CHD6: variants seen among roughly 807,000 people sequenced by gnomAD.
The protein encoded by CHD6 is chromodomain helicase DNA binding protein 6.
CHD6 carries 50 observed loss-of-function variants against 276.9 expected under a neutral mutation model. That is an observed-to-expected ratio of 0.18 (90% CI 0.14 to 0.23). The LOEUF (loss-of-function observed/expected upper bound fraction) is 0.23, where lower values mean the gene tolerates loss of function less well. Ranked by LOEUF, CHD6 falls within the 10% of genes least tolerant of loss-of-function variation. The probability of loss-of-function intolerance (pLI) is 1.00; values close to 1 mark genes in which losing one functional copy is unlikely to be tolerated. For missense variants in CHD6, 2,564 were observed against 3,365.8 expected (o/e 0.76, Z 5.89); for synonymous variants, 1,173 against 1,229.3 (o/e 0.95, Z 0.96).
chr20:41,597,326 G>T (rs1288587215), intron 1 of CHD6, among the ~76,000 whole-genome samples: 1 of 152,054 alleles, frequency 6.6e-6, no homozygotes, highest in East Asian at 1.9e-4. Flanking sequence ...ATGTTTTATG[G>T]GTTGCCTTAT....
At chr20:41,495,180 T>C (rs769661480) in intron 8 of CHD6, among the ~76,000 whole-genome samples, 2 of 152,170 alleles carry the variant, frequency 1.3e-5, no homozygotes, top group African/African-American at 2.4e-5. Context: ...TTATTCACAA[T>C]AGTCAAGATT....
At chr20:41,539,574 G>T (rs749350032) in intron 2 of CHD6, among the ~76,000 whole-genome samples, 1 of 152,166 alleles carries the variant, frequency 6.6e-6, no homozygotes, top group Admixed American at 6.5e-5. Context: ...GCCCCATGAG[G>T]GCAGTGCTAG....
intron 26 of CHD6, among the ~76,000 whole-genome samples, chr20:41,438,933 T>C (rs2047807068): frequency 6.6e-6 from 1 of 152,200 alleles, no homozygotes; most frequent in Non-Finnish European, 1.5e-5. Context: ...CTGCACACTT[T>C]TCTTGGCCTG....
rs140747954 is a variant in CHD6, at chr20:41,449,104, T to C, written c.3684-1133A>G. 7.6e-3 allele frequency among the ~76,000 whole-genome samples: 1,164 copies of C among 152,300 alleles called. 20 individuals are homozygous for C. Among genetic ancestry groups the C allele is most frequent in the African/African-American group, 0.026 (1,100 of 41,552 alleles). On this transcript the variant is annotated intron_variant, in intron 23 of 36. Transcript: ENST00000373233. ...TTTTAGTAGAGATGGGGTTTCACCA[T>C]GTTGGCCAGGCTGGTCTTGAACTCC... is the stretch of plus-strand genomic sequence containing the variant.
At chr20:41,554,985 A>G (rs1256117577) in intron 1 of CHD6, among the ~76,000 whole-genome samples, 1 of 149,438 alleles carries the variant, frequency 6.7e-6, no homozygotes, top group African/African-American at 2.5e-5. Flanking sequence ...CACCTCCCGG[A>G]CGGGGCGGCT....
At chr20:41,469,690 C>T (rs1437548034) in intron 17 of CHD6, among the ~76,000 whole-genome samples, 1 of 152,160 alleles carries the variant, frequency 6.6e-6, no homozygotes, top group Admixed American at 6.5e-5. Flanking sequence ...AAACTGATAA[C>T]CTTCAATTTT....
At chr20:41,546,021 C>T (rs2045033382) in intron 2 of CHD6, among the ~76,000 whole-genome samples, 1 of 152,272 alleles carries the variant, frequency 6.6e-6, no homozygotes, top group African/African-American at 2.4e-5. Flanking sequence ...CATATTTCAT[C>T]CCCTGGTTAC....
intron 2 of CHD6, among the ~76,000 whole-genome samples, chr20:41,546,822 A>T (rs1211605039): frequency 6.6e-6 from 1 of 152,224 alleles, no homozygotes; most frequent in Non-Finnish European, 1.5e-5. Flanking sequence ...CTCCTGAGTG[A>T]TTCACTTTTA....
intron 1 of CHD6, among the ~76,000 whole-genome samples, chr20:41,616,659 T>C (rs969336242): frequency 6.6e-6 from 1 of 152,228 alleles, no homozygotes. Context: ...CACTCCGCAT[T>C]TTCCCAAGGC....
At position 41,451,845 on chromosome 20, in the gene CHD6, C is replaced by A; in HGVS notation, c.3504G>T (p.Gln1168His). The A allele has an allele frequency of 6.2e-7, 1 of 1,614,164 alleles. No homozygotes were observed. Among genetic ancestry groups the A allele is most frequent in the Non-Finnish European group, 8.5e-7 (1 of 1,180,016 alleles). The change falls in exon 22 of 37, where the codon CAG becomes CAT. Residue 1168 changes from glutamine (Q) to histidine (H), a missense_variant. By Grantham distance (24) the Gln-to-His change is conservative. Coordinates refer to ENST00000373233, the MANE Select transcript of CHD6 (RefSeq NM_032221.5). ...TCTCACCTGAGTGGTTCTGGAGGGTCTGGGCTTGCCCATCTTTGGTAGGTG... is the reference window on the plus strand; with the variant it reads ...TCTCACCTGAGTGGTTCTGGAGGGTATGGGCTTGCCCATCTTTGGTAGGTG... ...LITPTKDGQA[Q>H]TLQNHSGLSA...
At chr20:41,431,897 G>A (rs961939381) in intron 27 of CHD6, among the ~76,000 whole-genome samples, 2 of 151,738 alleles carry the variant, frequency 1.3e-5, no homozygotes, top group African/African-American at 4.8e-5. Context: ...GGTGGCTCAC[G>A]CCTGTAATCC....
intron 14 of CHD6, among the ~76,000 whole-genome samples, chr20:41,486,556 T>C (rs1157065775): frequency 6.6e-6 from 1 of 152,164 alleles, no homozygotes; most frequent in Non-Finnish European, 1.5e-5. Context: ...GGGTGTACGC[T>C]TGACATGTGG....
Position 41,423,661 on chromosome 20 carries a change from C to T in CHD6, c.4386G>A (p.Val1462=), listed in dbSNP as rs780245957. Residue 1462 remains valine (V), a synonymous_variant, in exon 30 of 37, where the codon GTG becomes GTA. Coordinates refer to ENST00000373233, the MANE Select transcript of CHD6 (RefSeq NM_032221.5). Reference sequence around the variant, plus strand: ...GATCGTAAACAACACCAAAGGAAGACACTGTTCTATAGAAGTCTGCTTGTT... The same window carrying T: ...GATCGTAAACAACACCAAAGGAAGATACTGTTCTATAGAAGTCTGCTTGTT... ...RREQADFYRT[V]SSFGVVYDQE... The T allele has an allele frequency of 1.9e-6, 3 of 1,614,192 alleles. No individual in the cohort carries two copies. Among genetic ancestry groups the T allele is most frequent in the Non-Finnish European group, 2.5e-6 (3 of 1,180,038 alleles).
intron 1 of CHD6, chr20:41,563,904 G>GTTTT: frequency 1.7e-6 from 1 of 604,298 alleles, no homozygotes; most frequent in South Asian, 2.2e-5. Flanking sequence ...AAGACAAAGG[G>GTTTT]TTTTACAAAC....
At chr20:41,543,275 T>G (rs944365318) in intron 2 of CHD6, among the ~76,000 whole-genome samples, 8 of 152,160 alleles carry the variant, frequency 5.3e-5, no homozygotes, top group Non-Finnish European at 1.0e-4. Context: ...TAACTCAACT[T>G]GGTCCCACGG....
At chr20:41,437,978 A>T (rs1382668245) in intron 26 of CHD6, among the ~76,000 whole-genome samples, 2 of 152,222 alleles carry the variant, frequency 1.3e-5, no homozygotes, top group African/African-American at 4.8e-5. Flanking sequence ...GTTCAGAAAA[A>T]GGTAATTCCT....
chr20:41,511,994 G>A (rs1479781944), intron 5 of CHD6, among the ~76,000 whole-genome samples: 1 of 151,730 alleles, frequency 6.6e-6, no homozygotes, highest in Non-Finnish European at 1.5e-5. Flanking sequence ...CTTTGACACA[G>A]TCTTGCTCTG....
At chr20:41,438,756 G>C (rs1213061535) in intron 26 of CHD6, among the ~76,000 whole-genome samples, 1 of 152,066 alleles carries the variant, frequency 6.6e-6, no homozygotes, top group Non-Finnish European at 1.5e-5. Flanking sequence ...ACATTCAGGC[G>C]CCCATTCAGA....
At chr20:41,597,985 G>A (rs979758267) in intron 1 of CHD6, among the ~76,000 whole-genome samples, 4 of 152,100 alleles carry the variant, frequency 2.6e-5, no homozygotes, top group Non-Finnish European at 4.4e-5. Flanking sequence ...TCTGCAAACA[G>A]AGCGTCTCTG....
Sources: allele counts gnomAD v4.1 joint callset (sites outside exome capture counted in the v4.1 genomes callset), GRCh38; gene constraint gnomAD v4.1.1; transcripts MANE v1.5; gene names NCBI Gene and HGNC (gene_info 2026-07-23, HGNC 2026-07-21).